Variants in ME3 observed in about 807,000 individuals in gnomAD.
ME3 encodes the protein NADP-dependent malic enzyme, mitochondrial.
In ME3, 48 loss-of-function variants were observed where a neutral mutation model predicts 68.9. The observed-to-expected ratio is 0.70, with a 90% confidence interval of 0.55 to 0.89. The LOEUF is 0.89. Ranked by LOEUF, ME3 falls within the 40% of genes least tolerant of loss-of-function variation. ME3 has a pLI of 0.00. For missense variants in ME3, 675 were observed against 797.4 expected (o/e 0.85, Z 1.85); for synonymous variants, 320 against 318.8 (o/e 1.00, Z -0.04).
intron 7 of ME3, among the ~76,000 whole-genome samples, chr11:86,476,159 G>A (rs1951073305): frequency 2.0e-5 from 3 of 152,142 alleles, no homozygotes; most frequent in African/African-American, 7.2e-5. Context: ...TTGGCAGGAC[G>A]CTCAGTTCTA....
intron 2 of ME3, among the ~76,000 whole-genome samples, chr11:86,650,316 A>G (rs1367112913): frequency 1.3e-5 from 2 of 152,218 alleles, no homozygotes; most frequent in Non-Finnish European, 1.5e-5. Flanking sequence ...CTCAAAATGG[A>G]TTAAATATTT....
chr11:86,450,468 G>T, intron 8 of ME3, 70 bp from the exon 9 acceptor site: 1 of 1,324,832 alleles, frequency 7.5e-7, no homozygotes, highest in Non-Finnish European at 1.1e-6. Flanking sequence ...ACCCTTGGCA[G>T]AGTTCCCCAC....
At chr11:86,631,186 G>C (rs1943991372) in intron 2 of ME3, among the ~76,000 whole-genome samples, 1 of 152,238 alleles carries the variant, frequency 6.6e-6, no homozygotes, top group African/African-American at 2.4e-5. Context: ...TAGTGGTCAT[G>C]GAGCTTGGCC....
At chr11:86,518,659 A>G (rs1333048325) in intron 4 of ME3, among the ~76,000 whole-genome samples, 1 of 152,220 alleles carries the variant, frequency 6.6e-6, no homozygotes, top group African/African-American at 2.4e-5. Context: ...TTCTAGAACC[A>G]GCTGAAGAGC....
At chr11:86,438,201 T>C (rs1948907826), downstream of ME3, among the ~76,000 whole-genome samples, 1 of 152,230 alleles carries the variant, frequency 6.6e-6, no homozygotes, top group African/African-American at 2.4e-5. Context: ...GTTGGTTTTT[T>C]TCAAATGCTT....
At chr11:86,540,873 A>T (rs1363023893) in intron 4 of ME3, among the ~76,000 whole-genome samples, 1 of 152,180 alleles carries the variant, frequency 6.6e-6, no homozygotes, top group Non-Finnish European at 1.5e-5. Context: ...GAACAGCTCC[A>T]GTCTGTAGCT....
intron 2 of ME3, among the ~76,000 whole-genome samples, chr11:86,604,961 T>C (rs746306958): frequency 6.6e-6 from 1 of 152,206 alleles, no homozygotes; most frequent in Non-Finnish European, 1.5e-5. Flanking sequence ...AATATTTTTA[T>C]TACCCTAAAA....
chr11:86,657,343 T>C (rs1945962165), intron 2 of ME3, among the ~76,000 whole-genome samples: 1 of 151,986 alleles, frequency 6.6e-6, no homozygotes, highest in Non-Finnish European at 1.5e-5. Flanking sequence ...CTGGAAGCCA[T>C]CATTCTCAGC....
chr11:86,622,280 G>A (rs1943394145), intron 2 of ME3, among the ~76,000 whole-genome samples: 1 of 151,992 alleles, frequency 6.6e-6, no homozygotes. Context: ...CTGCATGTGG[G>A]TTCTCATTTT....
intron 2 of ME3, among the ~76,000 whole-genome samples, chr11:86,655,769 G>C (rs1271510121): frequency 2.0e-5 from 3 of 151,480 alleles, no homozygotes; most frequent in African/African-American, 7.3e-5. Flanking sequence ...AAACTAAAGA[G>C]CTTCTGCACA....
chr11:86,524,985 A>G (rs1247335961), intron 4 of ME3, among the ~76,000 whole-genome samples: 1 of 152,214 alleles, frequency 6.6e-6, no homozygotes, highest in Non-Finnish European at 1.5e-5. Context: ...AAGGCCAAAA[A>G]AGTATTTGCT....
At chr11:86,658,212 C>A (rs1288445786) in intron 2 of ME3, among the ~76,000 whole-genome samples, 4 of 151,980 alleles carry the variant, frequency 2.6e-5, no homozygotes, top group African/African-American at 9.7e-5. Context: ...CAACCTCCAC[C>A]TCCCGAGTTC....
At chr11:86,468,922 T>C (rs369235029) in intron 7 of ME3, among the ~76,000 whole-genome samples, 46 of 152,342 alleles carry the variant, frequency 3.0e-4, no homozygotes, top group African/African-American at 1.1e-3. Context: ...AGAAGGAATC[T>C]GGAGCTACAG....
intron 5 of ME3, among the ~76,000 whole-genome samples, chr11:86,507,393 T>C (rs1239021934): frequency 6.6e-6 from 1 of 152,172 alleles, no homozygotes. Flanking sequence ...GTAGATGTGT[T>C]GGAGTACCAT....
chr11:86,478,085 T>C (rs1227840655), intron 7 of ME3, among the ~76,000 whole-genome samples: 1 of 152,042 alleles, frequency 6.6e-6, no homozygotes, highest in Non-Finnish European at 1.5e-5. Flanking sequence ...TTCTAATTGG[T>C]AGCTAGCCTG....
downstream of ME3, among the ~76,000 whole-genome samples, chr11:86,438,307 A>C (rs537552962): frequency 1.3e-4 from 20 of 152,252 alleles, no homozygotes; most frequent in South Asian, 3.7e-3. Flanking sequence ...AATGTTAAAA[A>C]ACTACGTTTC....
At chr11:86,447,878 CAGAG>C (rs1490755531) in intron 11 of ME3, among the ~76,000 whole-genome samples, 21 of 128,610 alleles carry the variant, frequency 1.6e-4, no homozygotes, top group East Asian at 6.2e-4. Flanking sequence ...AAAAAAAAGA[CAGAG>C]AGAAAGAGAG....
At chr11:86,487,157 G>T (rs1005664608) in intron 7 of ME3, among the ~76,000 whole-genome samples, 180 bp downstream of exon 7, 1 of 152,138 alleles carries the variant, frequency 6.6e-6, no homozygotes, top group Admixed American at 6.5e-5. Flanking sequence ...TTCTCTCAGA[G>T]AATGAGCCCA....
chr11:86,591,960 A>G (rs113582272), intron 2 of ME3, among the ~76,000 whole-genome samples: 126 of 152,212 alleles, frequency 8.3e-4, no homozygotes, highest in African/African-American at 2.8e-3. Context: ...TGAGAAAATA[A>G]ATTTCTATTG....
Sources: gnomAD v4.1 joint callset for allele counts (sites outside exome capture counted in the v4.1 genomes callset) on GRCh38, gnomAD v4.1.1 for gene constraint, MANE v1.5 for transcripts, NCBI Gene and HGNC (gene_info 2026-07-23, HGNC 2026-07-21) for gene names.